The following HAVCR2 variants were observed in gnomAD, a reference collection of about 807,000 sequenced individuals.
The protein encoded by HAVCR2 is hepatitis A virus cellular receptor 2.
Under a neutral mutation model 24.7 loss-of-function variants are expected in HAVCR2, and 13 were observed. The ratio of observed to expected loss-of-function variants is 0.53; its 90% CI spans 0.34 to 0.84. HAVCR2 has a LOEUF of 0.84. Among genes scored for constraint, HAVCR2 ranks in the 40% least tolerant of loss-of-function variants. The pLI is 0.01. For missense variants in HAVCR2, 343 were observed against 371.2 expected, an observed-to-expected ratio of 0.92 and a Z score of 0.62; for synonymous variants, 154 against 143.4, an observed-to-expected ratio of 1.07 and a Z score of -0.53.
At chr5:157,105,291 C>T (rs373880203) in intron 2 of HAVCR2, among the ~76,000 whole-genome samples, 1 of 152,116 alleles carries the variant, frequency 6.6e-6, no homozygotes, top group South Asian at 2.1e-4. Flanking sequence ...CTCGAACTCC[C>T]GACCTCAGGT....
chr5:157,092,163 T>C lies in HAVCR2; in HGVS notation c.676+3143A>G, dbSNP rs868267544. Among the ~76,000 whole-genome samples, 264 of 129,130 alleles carry C rather than the reference T, an allele frequency of 2.0e-3. 1 individual carries two copies. Among genetic ancestry groups the C allele is most frequent in the South Asian group, 4.2e-3 (17 of 4,042 alleles). The allele number at this position is 129,130 out of a possible 152,430, so 84.7% of individuals were successfully genotyped here. A position where few individuals can be genotyped will look rare whatever the true frequency, so the allele number is the denominator to read the frequency against. ...TTATATATATATATATATATATATA[T>C]ACACACACACATATATATATAAAGT... On this transcript the variant is annotated intron_variant, in intron 5 of 6. Coordinates refer to ENST00000307851, the MANE Select transcript of HAVCR2 (RefSeq NM_032782.5).
intron 3 of HAVCR2, among the ~76,000 whole-genome samples, chr5:157,101,941 A>G: frequency 1.2e-5 from 1 of 83,042 alleles, no homozygotes; most frequent in Admixed American, 1.5e-4. Context: ...ATGCCCGGCT[A>G]TTTTTTTTTT....
rs1259117111 is a variant in HAVCR2, at chr5:157,095,736, A to C, written c.523-277T>G. 2.0e-5 allele frequency among the ~76,000 whole-genome samples: 3 copies of C among 146,970 alleles called. No homozygotes were observed. In the East Asian group the frequency reaches 6.0e-4, roughly 29 times the overall value. On this transcript the variant is annotated intron_variant, in intron 4 of 6. Coordinates refer to ENST00000307851, the MANE Select transcript of HAVCR2 (RefSeq NM_032782.5). The stretch of plus-strand genomic sequence containing the variant: ...AAAAAAAAAAAAAAAAGAGAGAAGG[A>C]GCTCTTAAGACCCTTTCCCTGCCCC...
intron 2 of HAVCR2, among the ~76,000 whole-genome samples, chr5:157,105,709 T>C (rs1757237693): frequency 2.0e-5 from 3 of 152,208 alleles, no homozygotes; most frequent in Non-Finnish European, 2.9e-5. Context: ...GTACATGTTA[T>C]AGAAATCTTA....
intron 1 of HAVCR2, among the ~76,000 whole-genome samples, chr5:157,107,957 A>G (rs774459156): frequency 3.0e-4 from 45 of 151,220 alleles, no homozygotes; most frequent in Non-Finnish European, 1.3e-4. Context: ...TGAGAAAGTC[A>G]TAGACCTGTC....
chr5:157,096,699 C>T (rs1757098670), intron 4 of HAVCR2, among the ~76,000 whole-genome samples: 1 of 152,104 alleles, frequency 6.6e-6, no homozygotes, highest in South Asian at 2.1e-4. Context: ...ATCGCTTGAA[C>T]CCAGGAGGCA....
At chr5:157,087,553 G>A (rs1486581657) in intron 6 of HAVCR2, among the ~76,000 whole-genome samples, 1 of 152,108 alleles carries the variant, frequency 6.6e-6, no homozygotes, top group Non-Finnish European at 1.5e-5. Flanking sequence ...TTTCTCGGAG[G>A]TGCAGGCTGA....
chr5:157,105,444 C>T (rs1389388369), intron 2 of HAVCR2, among the ~76,000 whole-genome samples: 1 of 152,046 alleles, frequency 6.6e-6, no homozygotes, highest in African/African-American at 2.4e-5. Context: ...ATGTCAGTGT[C>T]CAAAAAGTTT....
intron 6 of HAVCR2, 85 bp downstream of exon 6, chr5:157,088,856 G>A: frequency 8.4e-7 from 1 of 1,185,140 alleles, no homozygotes; most frequent in South Asian, 1.3e-5. Context: ...CCCAGGACAG[G>A]ATTTCTCAGA....
intron 5 of HAVCR2, among the ~76,000 whole-genome samples, chr5:157,089,411 C>G (rs1756961075): frequency 6.6e-6 from 1 of 152,084 alleles, no homozygotes; most frequent in African/African-American, 2.4e-5. Flanking sequence ...TGGCCCATGC[C>G]TGTAATCCCA....
At chr5:157,103,440 CT>C (rs1757200092) in intron 3 of HAVCR2, among the ~76,000 whole-genome samples, 2 of 151,832 alleles carry the variant, frequency 1.3e-5, no homozygotes, top group South Asian at 4.2e-4. Flanking sequence ...CTTGAAGTCC[CT>C]TCTAGCACTA....
intron 3 of HAVCR2, among the ~76,000 whole-genome samples, chr5:157,099,437 A>G (rs1378713840): frequency 1.3e-5 from 2 of 151,858 alleles, no homozygotes; most frequent in Non-Finnish European, 1.5e-5. Flanking sequence ...TTGTATTTTT[A>G]GTAGAGACGA....
chr5:157,098,841 CA>C lies in HAVCR2; in HGVS notation c.522+16del, dbSNP rs753954529. On this transcript the variant is annotated intron_variant, in intron 4 of 6. Transcript: ENST00000307851. The stretch of plus-strand genomic sequence containing the variant: ...TCCAAGTTGAGTACAACATAGCTCA[CA>C]AAAAAAGTTACTTACTGTTAGATTT... The C allele has an allele frequency of 1.1e-5, 18 of 1,610,390 alleles. No homozygotes were observed. The highest frequency in any genetic ancestry group is 6.7e-5 in the Admixed American group (4 of 59,592).
chr5:157,099,251 A>ATTATTTAT (rs774369314), intron 3 of HAVCR2, among the ~76,000 whole-genome samples: 3 of 152,054 alleles, frequency 2.0e-5, no homozygotes, highest in Admixed American at 6.6e-5. Flanking sequence ...AGACTCAGGC[A>ATTATTTAT]TTATTTATTT....
rs751807490 is a variant in HAVCR2, at chr5:157,106,899, G to A, written c.122C>T (p.Thr41Ile). ...CACGAGGTTCCCTGGGGCGGCTGGG[G>A]TGTAGAAGCAGGGCAGATAGGCATT... ...GQNAYLPCFY[T>I]PAAPGNLVPV... Residue 41 changes from threonine (T) to isoleucine (I), a missense_variant, in exon 2 of 7, where the codon ACC becomes ATC. Coordinates refer to ENST00000307851, the MANE Select transcript of HAVCR2 (RefSeq NM_032782.5). The A allele has an allele frequency of 1.9e-6, 3 of 1,614,088 alleles. No individual in the cohort carries two copies. The highest frequency in any genetic ancestry group is 2.5e-6 in the Non-Finnish European group (3 of 1,180,042).
At chr5:157,102,220 A>AG (rs758866745) in intron 3 of HAVCR2, among the ~76,000 whole-genome samples, 1 of 151,968 alleles carries the variant, frequency 6.6e-6, no homozygotes, top group Non-Finnish European at 1.5e-5. Context: ...TACAGGTGTG[A>AG]GCCACTGCAC....
At chr5:157,104,631 C>G in intron 3 of HAVCR2, 35 bp downstream of exon 3, 1 of 1,447,438 alleles carries the variant, frequency 6.9e-7, no homozygotes, top group Non-Finnish European at 9.6e-7. Context: ...TCAGAGCCAG[C>G]TAAAGATTCC....
In HAVCR2 at chr5:157,098,406, T is replaced by TAA. The variant is rs70984442; in HGVS notation, c.522+450_522+451dup. Among the ~76,000 whole-genome samples, 833 of 138,268 alleles carry TAA rather than the reference T, an allele frequency of 6.0e-3. 2 individuals carry two copies. The highest frequency in any genetic ancestry group is 0.022 in the Middle Eastern group (6 of 276). 90.7% of individuals were successfully genotyped at this position (138,268 alleles called of 152,430 possible). ...TGGGCAACAAGAGCGAAATTCTGTCTAAAAAAAAAAAAAAAAAACCTCTTC... is the reference window on the plus strand; with the variant it reads ...TGGGCAACAAGAGCGAAATTCTGTCTAAAAAAAAAAAAAAAAAAAACCTCTTC... On this transcript the variant is annotated intron_variant, in intron 4 of 6. Transcript: ENST00000307851.
chr5:157,096,707 G>A (rs1413657185), intron 4 of HAVCR2, among the ~76,000 whole-genome samples: 1 of 152,082 alleles, frequency 6.6e-6, no homozygotes, highest in South Asian at 2.1e-4. Flanking sequence ...AACCCAGGAG[G>A]CAGAGGTTGC....
Sources: gnomAD v4.1 joint callset for allele counts (sites outside exome capture counted in the v4.1 genomes callset) on GRCh38, gnomAD v4.1.1 for gene constraint, MANE v1.5 for transcripts, NCBI Gene and HGNC (gene_info 2026-07-23, HGNC 2026-07-21) for gene names.